Variants in CCDC120 observed in about 807,000 individuals in gnomAD.
CCDC120 encodes the protein coiled-coil domain-containing protein 120.
Under a neutral mutation model 37.6 loss-of-function variants are expected in CCDC120, and 16 were observed. That is an observed-to-expected ratio of 0.43 (90% CI 0.29 to 0.65). The LOEUF (loss-of-function observed/expected upper bound fraction) is 0.65, where lower values mean the gene tolerates loss of function less well. Ranked by LOEUF, CCDC120 falls within the 30% of genes least tolerant of loss-of-function variation. The pLI, the probability that CCDC120 is intolerant of heterozygous loss-of-function variation, is 0.18. For synonymous variants in CCDC120, 309 were observed against 275.4 expected, an observed-to-expected ratio of 1.12 and a Z score of -1.21; for missense variants, 650 against 657.4, an observed-to-expected ratio of 0.99 and a Z score of 0.12.
upstream of CCDC120, among the ~76,000 whole-genome samples, chrX:49,054,673 ACCCCTGC>A (rs1163250374): frequency 9.2e-6 from 1 of 109,005 alleles, no homozygotes; most frequent in African/African-American, 3.4e-5. Flanking sequence ...GTTAATCCTG[ACCCCTGC>A]CCTGCTGTTT....
At chrX:49,059,291 A>G (rs1557078949) in intron 1 of CCDC120, 196 bp downstream of exon 1, 1 of 746,591 alleles carries the variant, frequency 1.3e-6, no homozygotes, top group Non-Finnish European at 1.6e-6. Flanking sequence ...GGCAAAGCCC[A>G]AAACACCAAT....
At chrX:49,068,506 C>T (rs1004804471) in intron 10 of CCDC120, 38 bp from the exon 11 acceptor site, 4 of 1,061,890 alleles carry the variant, frequency 3.8e-6, no homozygotes, top group Non-Finnish European at 4.9e-6. Context: ...CTTGTCTTCC[C>T]CGCCCTGTCC....
At chrX:49,056,833 G>GT (rs2064834385), upstream of CCDC120, among the ~76,000 whole-genome samples, 1 of 111,402 alleles carries the variant, frequency 9.0e-6, no homozygotes, top group Non-Finnish European at 1.9e-5. Flanking sequence ...ACTTGTAACT[G>GT]TGACAGCCAA....
At chrX:49,055,507 G>T (rs1557078250), upstream of CCDC120, among the ~76,000 whole-genome samples, 1 of 111,609 alleles carries the variant, frequency 9.0e-6, no homozygotes, top group East Asian at 2.8e-4. Context: ...AAAAATCTTG[G>T]TGCTAAGTCC....
In CCDC120 at chrX:49,062,105, G is replaced by A; in HGVS notation, c.63+1G>A. The A allele has an allele frequency of 8.6e-7, 1 of 1,158,035 alleles. No individual in the cohort carries two copies. Among genetic ancestry groups the A allele is most frequent in the South Asian group, 1.9e-5 (1 of 52,742 alleles). On this transcript the variant is annotated splice_donor_variant, in intron 2 of 10. Coordinates refer to ENST00000603986, the MANE Select transcript of CCDC120 (RefSeq NM_001163321.4). LOFTEE classifies it high-confidence loss of function. ...AGACATCCACACGGATTCTGAAAGG[G>A]CAGGTCAAGCAGGCACGTGGGGCCC...
At chrX:49,060,784 C>T (rs1352357229) in intron 1 of CCDC120, among the ~76,000 whole-genome samples, 1 of 112,050 alleles carries the variant, frequency 8.9e-6, no homozygotes, top group Non-Finnish European at 1.9e-5. Context: ...CCCTATGGGG[C>T]AGGCAGGAGG....
At chrX:49,062,970 G>A (rs186778905) in intron 4 of CCDC120, among the ~76,000 whole-genome samples, 69 of 111,827 alleles carry the variant, frequency 6.2e-4, no homozygotes, top group Admixed American at 2.4e-3. Context: ...CGAGGTGGGC[G>A]GAACACGATG....
chrX:49,065,942 G>A, intron 9 of CCDC120, 97 bp downstream of exon 9: 9 of 848,835 alleles, frequency 1.1e-5, no homozygotes, highest in Non-Finnish European at 1.5e-5. Flanking sequence ...AGGTGGGATG[G>A]CTGGGCGCGG....
At chrX:49,059,689 ATTTC>A (rs1557079043) in intron 1 of CCDC120, among the ~76,000 whole-genome samples, 1 of 112,387 alleles carries the variant, frequency 8.9e-6, no homozygotes, top group Non-Finnish European at 1.9e-5. Context: ...ACAGCCAGGA[ATTTC>A]TTTCTCGGCT....
rs2064895033 is a variant in CCDC120, at chrX:49,062,300, C to G, written c.129C>G (p.Ile43Met). 8.3e-7 allele frequency: 1 copy of G among 1,209,977 alleles called. No homozygotes were observed. The highest frequency in any genetic ancestry group is 2.2e-5 in the Admixed American group (1 of 45,955). Residue 43 changes from isoleucine (I) to methionine (M), a missense_variant, in exon 3 of 11, where the codon ATC (isoleucine) becomes ATG (methionine). Physicochemically the swap from Ile to Met is conservative, Grantham distance 10. This residue lies in a region of CCDC120 where 64 missense variants were observed against 65.2 expected (regional missense o/e 0.98). Coordinates refer to ENST00000603986, the MANE Select transcript of CCDC120 (RefSeq NM_001163321.4). ...STKMEVKGQL[I>M]SSPTFNAPAA... ...AGATGGAAGTCAAAGGTCAGCTGAT[C>G]AGCTCTCCTACCTTCAATGCCCCAG...
chrX:49,061,989 C>T lies in CCDC120; in HGVS notation c.-53C>T. 1 of 1,151,176 alleles carries T rather than the reference C, an allele frequency of 8.7e-7. No individual in the cohort carries two copies. Among genetic ancestry groups the T allele is most frequent in the Non-Finnish European group, 1.1e-6 (1 of 870,328 alleles). The allele number at this position is 1,151,176 out of a possible 1,213,427, so 94.9% of individuals were successfully genotyped here. ...ACTCGTGGCTGTGACCCATGGGCCT[C>T]TGAGGAGGCGTTGTAAGTCCGCCCA... On this transcript the variant is annotated 5_prime_UTR_variant, in exon 2 of 11. Coordinates refer to ENST00000603986, the MANE Select transcript of CCDC120 (RefSeq NM_001163321.4).
At chrX:49,064,803 C>A in intron 6 of CCDC120, 139 bp downstream of exon 6, 1 of 782,557 alleles carries the variant, frequency 1.3e-6, no homozygotes, top group Non-Finnish European at 1.8e-6. Context: ...TTGTGACAAA[C>A]TGGCTTACCG....
At position 49,068,545 on chromosome X, in the gene CCDC120, T is replaced by C. The variant is rs2147808004; in HGVS notation, c.1978T>C (p.Tyr660His). Residue 660 changes from tyrosine to histidine, a missense_variant and splice_region_variant, in exon 11 of 11, where the codon TAC (tyrosine) becomes CAC (histidine). Coordinates refer to ENST00000603986, the MANE Select transcript of CCDC120 (RefSeq NM_001163321.4). ...GGATTCCTGCTACCCCTTCTAAAGATACTACGCGGACTTCCTGTATCCCCC... is the reference window on the plus strand; with the variant it reads ...GGATTCCTGCTACCCCTTCTAAAGACACTACGCGGACTTCCTGTATCCCCC... Reference protein sequence around the residue: ...SFTAPPVSGRYYADFLYPPEL... With the variant: ...SFTAPPVSGRHYADFLYPPEL... 1 of 1,132,914 alleles carries C rather than the reference T, an allele frequency of 8.8e-7. No individual in the cohort carries two copies. The highest frequency in any genetic ancestry group is 3.4e-5 in the East Asian group (1 of 29,308). 93.4% of individuals were successfully genotyped at this position (1,132,914 alleles called of 1,213,427 possible). A position where few individuals can be genotyped will look rare whatever the true frequency, so the allele number is the denominator to read the frequency against.
intron 9 of CCDC120, chrX:49,066,815 G>GCGAGT (rs1557081303): frequency 4.7e-5 from 9 of 189,521 alleles, no homozygotes; most frequent in Admixed American, 7.3e-5. Context: ...TGGAGGCCGT[G>GCGAGT]CGAGCCATGA....
In CCDC120 at chrX:49,059,418, A is replaced by G. The variant is rs782805694; in HGVS notation, c.-84+323A>G. The G allele has an allele frequency of 8.1e-5, 56 of 688,225 alleles. No individual in the cohort carries two copies. In the South Asian group the frequency reaches 3.3e-3, roughly 41 times the overall value. 56.7% of individuals were successfully genotyped at this position (688,225 alleles called of 1,213,427 possible). A position where few individuals can be genotyped will look rare whatever the true frequency, so the allele number is the denominator to read the frequency against. ...ATCCCTGCTTCCTTTCCTCCCCGCCAGGAGTAGCCTCTGTCCTCCCCCAAC... is the reference window on the plus strand; with the variant it reads ...ATCCCTGCTTCCTTTCCTCCCCGCCGGGAGTAGCCTCTGTCCTCCCCCAAC... On this transcript the variant is annotated intron_variant, in intron 1 of 10. Coordinates refer to ENST00000603986, the MANE Select transcript of CCDC120 (RefSeq NM_001163321.4).
At chrX:49,059,597 C>G (rs782433199) in intron 1 of CCDC120, among the ~76,000 whole-genome samples, 1 of 112,419 alleles carries the variant, frequency 8.9e-6, no homozygotes, top group Admixed American at 9.4e-5. Flanking sequence ...TGTATTTGCT[C>G]TAATAGTGGC....
At chrX:49,054,444 A>G (rs1473870897), upstream of CCDC120, among the ~76,000 whole-genome samples, 1 of 110,610 alleles carries the variant, frequency 9.0e-6, no homozygotes, top group Non-Finnish European at 1.9e-5. Flanking sequence ...CGTGATCTGC[A>G]TCCTGGCTCA....
At chrX:49,062,699 C>T in intron 4 of CCDC120, 98 bp downstream of exon 4, 1 of 900,477 alleles carries the variant, frequency 1.1e-6, no homozygotes, top group Non-Finnish European at 1.5e-6. Flanking sequence ...ATTCCTCAAC[C>T]ACTTGTCTTG....
In CCDC120 at chrX:49,062,071, A is replaced by G; in HGVS notation, c.30A>G (p.Gln10=). 5 of 1,156,975 alleles carry G rather than the reference A, an allele frequency of 4.3e-6. No homozygotes were observed. Among genetic ancestry groups the G allele is most frequent in the Non-Finnish European group, 5.7e-6 (5 of 872,981 alleles). MRREPRYQG[Q]VGPDIHTDSE... is the part of the protein sequence containing the mutation. The stretch of plus-strand genomic sequence containing the variant: ...GAAGGGAACCAAGGTACCAGGGCCA[A>G]GTGGGTCCAGACATCCACACGGATT... Residue 10 remains glutamine (Q), a synonymous_variant, in exon 2 of 11, where the codon CAA becomes CAG. Coordinates refer to ENST00000603986, the MANE Select transcript of CCDC120 (RefSeq NM_001163321.4).
Sources: gnomAD v4.1 joint callset for allele counts (sites outside exome capture counted in the v4.1 genomes callset) on GRCh38, gnomAD v4.1.1 for gene constraint, gnomAD v4.1.1 regional missense constraint, MANE v1.5 for transcripts, NCBI Gene and HGNC (gene_info 2026-07-23, HGNC 2026-07-21) for gene names.